The following MINK1 variants were observed in gnomAD, a reference collection of about 807,000 sequenced individuals.
The protein encoded by MINK1 is misshapen-like kinase 1.
MINK1 carries 46 observed loss-of-function variants against 178.4 expected under a neutral mutation model. The observed-to-expected ratio is 0.26, with a 90% CI of 0.20 to 0.33. The LOEUF (loss-of-function observed/expected upper bound fraction) is 0.33. MINK1 is among the 10% of genes least tolerant of loss of function. MINK1 has a pLI of 1.00. For missense variants in MINK1, 1,366 were observed against 1,814.9 expected (o/e 0.75, Z 4.49); for synonymous variants, 797 against 709.7 (o/e 1.12, Z -1.96).
intron 1 of MINK1, among the ~76,000 whole-genome samples, chr17:4,867,419 G>T (rs1437125762): frequency 6.6e-6 from 1 of 151,974 alleles, no homozygotes; most frequent in Non-Finnish European, 1.5e-5. Context: ...AAAGGCTGAG[G>T]CAGGAGGATC....
chr17:4,840,039 T>C (rs1909976445), intron 1 of MINK1, among the ~76,000 whole-genome samples: 2 of 151,786 alleles, frequency 1.3e-5, no homozygotes, highest in Non-Finnish European at 2.9e-5. Flanking sequence ...CGTGGGCACA[T>C]ATAACAAGAG....
At position 4,870,872 on chromosome 17, in the gene MINK1, T is replaced by G. The variant is rs538431389; in HGVS notation, c.58-7445T>G. 5.9e-5 allele frequency among the ~76,000 whole-genome samples: 9 copies of G among 152,282 alleles called. No individual in the cohort carries two copies. The East Asian group carries it at 1.5e-3, about 26-fold the overall frequency. ...AAAATAAAATATTTTAAAGTGGTTT[T>G]TGGTATACTCACAGACTTATGCAAC... On this transcript the variant is annotated intron_variant, in intron 1 of 31. Transcript: ENST00000355280.
intron 1 of MINK1, among the ~76,000 whole-genome samples, chr17:4,855,741 G>C (rs1423326983): frequency 2.1e-5 from 3 of 146,074 alleles, no homozygotes; most frequent in Non-Finnish European, 4.5e-5. Flanking sequence ...CTGCACTCCA[G>C]CCTGGGCGAC....
Position 4,896,717 on chromosome 17 carries a change from C to T in MINK1, c.3819C>T (p.Ala1273=). Residue 1273 remains alanine, a synonymous_variant, in exon 31 of 32, where the codon GCC becomes GCT. Coordinates refer to ENST00000355280, the MANE Select transcript of MINK1 (RefSeq NM_153827.5). The surrounding 1 kb of genome is among the most constrained non-coding windows in gnomAD (Gnocchi z 4.6). ...SNQIMGWGEK[A]IEIRSVETGH... is the part of the protein sequence containing the mutation. ...AGATAATGGGCTGGGGTGAGAAAGC[C>T]ATTGAGATCCGCTCTGTGGAGACGG... The T allele has an allele frequency of 6.2e-7, 1 of 1,603,104 alleles. No homozygotes were observed. Among genetic ancestry groups the T allele is most frequent in the African/African-American group, 1.3e-5 (1 of 74,870 alleles).
intron 21 of MINK1, 171 bp downstream of exon 21, chr17:4,893,768 TG>T: frequency 9.2e-7 from 1 of 1,088,944 alleles, no homozygotes; most frequent in Non-Finnish European, 1.3e-6. Flanking sequence ...CTGTGTGTTG[TG>T]GGGTGGCCTC....
chr17:4,886,041 G>T lies in MINK1; in HGVS notation c.694+76G>T. ...GAGAGTGGCTGTAGGGAGGAGGTGG[G>T]TCCTGGGACCCTGCCGAGGAAGGGT... On this transcript the variant is annotated intron_variant, in intron 8 of 31. Transcript: ENST00000355280. This position sits in a 1 kb window ranked among gnomAD's most constrained non-coding sequence, Gnocchi z 6.1. 3 of 1,609,664 alleles carry T rather than the reference G, an allele frequency of 1.9e-6. No homozygotes were observed. The highest frequency in any genetic ancestry group is 2.6e-6 in the Non-Finnish European group (3 of 1,176,062).
At chr17:4,883,472 A>G (rs111716551) in intron 4 of MINK1, among the ~76,000 whole-genome samples, 8,666 of 150,112 alleles carry the variant, frequency 0.058, 443 homozygotes, top group East Asian at 0.27. Flanking sequence ...CCAAAGTGCT[A>G]GGATTACAGG....
intron 2 of MINK1, 129 bp from the exon 3 acceptor site, chr17:4,880,855 G>A (rs1027159775): frequency 3.7e-5 from 31 of 827,178 alleles, no homozygotes; most frequent in South Asian, 1.9e-4. Context: ...AGCCGAGATC[G>A]CGCCACTGCA....
chr17:4,879,992 T>G (rs1967545858), intron 2 of MINK1, among the ~76,000 whole-genome samples: 1 of 152,302 alleles, frequency 6.6e-6, no homozygotes, highest in East Asian at 1.9e-4. Context: ...CTCCCTAGCC[T>G]CCTTCTCCTA....
chr17:4,892,676 G>C lies in MINK1; in HGVS notation c.2219G>C (p.Ser740Thr). Residue 740 changes from serine (S) to threonine (T), a missense_variant, in exon 19 of 32, where the codon AGC becomes ACC. Physicochemically the swap from Ser to Thr is moderately conservative, Grantham distance 58. Coordinates refer to ENST00000355280, the MANE Select transcript of MINK1 (RefSeq NM_153827.5). Reference sequence around the variant, plus strand: ...AACAGTAACCCCGACCTCAGGAGGAGCGACCCTGGCTGGGAACGCTCGGAC... The same window carrying C: ...AACAGTAACCCCGACCTCAGGAGGACCGACCCTGGCTGGGAACGCTCGGAC... ...NASSNPDLRR[S>T]DPGWERSDSV... The C allele has an allele frequency of 6.2e-7, 1 of 1,609,922 alleles. No homozygotes were observed.
At chr17:4,854,566 T>C (rs9893881) in intron 1 of MINK1, among the ~76,000 whole-genome samples, 31,928 of 152,182 alleles carry the variant, frequency 0.21, 3,718 homozygotes, top group African/African-American at 0.32. Context: ...TGCAAGTCAG[T>C]GTGTGTGTGC....
intron 1 of MINK1, among the ~76,000 whole-genome samples, chr17:4,849,863 G>A (rs1039135536): frequency 6.6e-5 from 10 of 152,106 alleles, no homozygotes; most frequent in Non-Finnish European, 1.2e-4. Context: ...GTGAGCCACC[G>A]CGCCCGGCTG....
chr17:4,860,846 C>G (rs1487601693), intron 1 of MINK1: 8 of 513,482 alleles, frequency 1.6e-5, no homozygotes, highest in African/African-American at 7.7e-5. Flanking sequence ...GGGGAGATGC[C>G]GAAGCCTTAG....
intron 4 of MINK1, among the ~76,000 whole-genome samples, chr17:4,882,486 C>T (rs1287537605): frequency 6.6e-6 from 1 of 152,212 alleles, no homozygotes; most frequent in Admixed American, 6.5e-5. Flanking sequence ...CCCAGGTTCC[C>T]TGTTGCAGCT....
At chr17:4,890,806 A>G in intron 14 of MINK1, 71 bp downstream of exon 14, 2 of 1,517,316 alleles carry the variant, frequency 1.3e-6, no homozygotes, top group East Asian at 2.5e-5. Context: ...CACAAGAAGT[A>G]GTAGTTCACA....
At chr17:4,854,120 C>G (rs1330204749) in intron 1 of MINK1, among the ~76,000 whole-genome samples, 1 of 152,174 alleles carries the variant, frequency 6.6e-6, no homozygotes, top group African/African-American at 2.4e-5. Context: ...TTCCCCACTT[C>G]CCCGGCTCAG....
intron 15 of MINK1, 76 bp from the exon 16 acceptor site, chr17:4,891,380 C>T: frequency 1.3e-5 from 19 of 1,489,828 alleles, no homozygotes; most frequent in Non-Finnish European, 1.6e-5. Flanking sequence ...AAGTCCTTTC[C>T]CACCCCAGAC....
Position 4,895,862 on chromosome 17 carries a change from C to T in MINK1, c.3364+30C>T. ...GGATGTCCCAACAGAGTGGCCAGCG[C>T]ATACTTGTTCATGAAGAGAGAAATG... On this transcript the variant is annotated intron_variant, in intron 27 of 31. Transcript: ENST00000355280. This position sits in a 1 kb window ranked among gnomAD's most constrained non-coding sequence, Gnocchi z 4.3. The T allele has an allele frequency of 1.2e-6, 2 of 1,606,778 alleles. No homozygotes were observed. The highest frequency in any genetic ancestry group is 1.1e-5 in the South Asian group (1 of 90,318).
In MINK1 at chr17:4,884,302, CA is replaced by C; in HGVS notation, c.307-60del. On this transcript the variant is annotated intron_variant, in intron 4 of 31. Transcript: ENST00000355280. ...CCAGGAGTCTAGCAGGGGATTGGGGCAGGGGTGGGAGGGCTTGTCTGACTGA... is the reference window on the plus strand; with the variant it reads ...CCAGGAGTCTAGCAGGGGATTGGGGCGGGGTGGGAGGGCTTGTCTGACTGA... 1.5e-6 allele frequency: 2 copies of C among 1,317,504 alleles called. 1 individual carries two copies. Among genetic ancestry groups the C allele is most frequent in the East Asian group, 4.6e-5 (2 of 43,438 alleles). The allele number at this position is 1,317,504 out of a possible 1,614,324, so 81.6% of individuals were successfully genotyped here.
Sources: gnomAD v4.1 joint callset for allele counts (sites outside exome capture counted in the v4.1 genomes callset) on GRCh38, gnomAD v4.1.1 for gene constraint, Gnocchi (gnomAD v3.1) non-coding constraint, MANE v1.5 for transcripts, NCBI Gene and HGNC (gene_info 2026-07-23, HGNC 2026-07-21) for gene names.